Variants in GRID2 observed in about 807,000 individuals in gnomAD.
GRID2 encodes glutamate ionotropic receptor delta type subunit 2.
In GRID2, 33 loss-of-function variants were observed where a neutral mutation model predicts 114.8. That is an observed-to-expected ratio of 0.29 (90% CI 0.22 to 0.38). The LOEUF (loss-of-function observed/expected upper bound fraction) is 0.38. Among genes scored for constraint, GRID2 ranks in the 10% least tolerant of loss-of-function variants. The pLI is 1.00. For missense variants in GRID2, 1,184 were observed against 1,257.7 expected (o/e 0.94, Z 0.89); for synonymous variants, 505 against 449.9 (o/e 1.12, Z -1.55).
intron 4 of GRID2, among the ~76,000 whole-genome samples, chr4:93,186,704 T>C (rs1167549392): frequency 6.6e-6 from 1 of 152,170 alleles, no homozygotes; most frequent in African/African-American, 2.4e-5. Flanking sequence ...ATTGATATAC[T>C]AAGTTGCAAG....
intron 1 of GRID2, among the ~76,000 whole-genome samples, chr4:92,317,369 A>T (rs985185902): frequency 8.5e-5 from 13 of 152,238 alleles, no homozygotes; most frequent in Admixed American, 3.9e-4. Flanking sequence ...ATATTTATAT[A>T]GACTTTTAAT....
chr4:92,797,571 A>G (rs1194907129), intron 2 of GRID2, among the ~76,000 whole-genome samples: 1 of 152,018 alleles, frequency 6.6e-6, no homozygotes, highest in Non-Finnish European at 1.5e-5. Context: ...ATAGATTTGC[A>G]TACACTTTTA....
intron 2 of GRID2, among the ~76,000 whole-genome samples, chr4:93,029,616 C>A (rs1487618075): frequency 2.0e-5 from 3 of 151,814 alleles, no homozygotes; most frequent in East Asian, 3.9e-4. Flanking sequence ...TTAAAAGTTA[C>A]AATATTTACA....
intron 8 of GRID2, among the ~76,000 whole-genome samples, chr4:93,336,539 G>C (rs1428363201): frequency 6.6e-6 from 1 of 152,076 alleles, no homozygotes; most frequent in Non-Finnish European, 1.5e-5. Flanking sequence ...TATATGTGTG[G>C]GATATTCTCT....
At chr4:93,243,190 C>T (rs1747748323) in intron 8 of GRID2, among the ~76,000 whole-genome samples, 1 of 151,908 alleles carries the variant, frequency 6.6e-6, no homozygotes, top group African/African-American at 2.4e-5. Flanking sequence ...TTCTACTAAG[C>T]TGCAATTTAA....
chr4:93,623,864 T>G (rs1249149039), intron 13 of GRID2, among the ~76,000 whole-genome samples: 1 of 152,160 alleles, frequency 6.6e-6, no homozygotes, highest in African/African-American at 2.4e-5. Context: ...TTCTCCTAAT[T>G]AAATTTGCAA....
chr4:93,601,140 T>C (rs1739637194), intron 13 of GRID2, among the ~76,000 whole-genome samples: 1 of 152,238 alleles, frequency 6.6e-6, no homozygotes, highest in Non-Finnish European at 1.5e-5. Flanking sequence ...TCTGTGCTTT[T>C]CATGATAAGT....
chr4:92,693,718 C>A (rs758679570), intron 2 of GRID2, among the ~76,000 whole-genome samples: 1 of 152,068 alleles, frequency 6.6e-6, no homozygotes, highest in South Asian at 2.1e-4. Flanking sequence ...AACAGACTCA[C>A]AAGAAGAGAG....
At chr4:93,648,600 T>C (rs552941719) in intron 14 of GRID2, among the ~76,000 whole-genome samples, 1 of 152,164 alleles carries the variant, frequency 6.6e-6, no homozygotes, top group African/African-American at 2.4e-5. Flanking sequence ...ACAATGGTTC[T>C]CCATTTTTAG....
At chr4:93,183,089 A>G (rs1740050955) in intron 4 of GRID2, among the ~76,000 whole-genome samples, 1 of 152,232 alleles carries the variant, frequency 6.6e-6, no homozygotes, top group Non-Finnish European at 1.5e-5. Flanking sequence ...AGTAAAATAA[A>G]GTAAATCAGG....
chr4:93,037,792 G>C (rs1459528349), intron 2 of GRID2, among the ~76,000 whole-genome samples: 1 of 152,004 alleles, frequency 6.6e-6, no homozygotes, highest in Non-Finnish European at 1.5e-5. Flanking sequence ...CTGTTCTATT[G>C]GTCTATATCT....
intron 6 of GRID2, among the ~76,000 whole-genome samples, chr4:93,223,506 T>C (rs986537528): frequency 3.9e-5 from 6 of 152,160 alleles, no homozygotes; most frequent in African/African-American, 1.4e-4. Flanking sequence ...TCCTGTGATG[T>C]GGGTAGACTA....
chr4:93,348,008 T>G (rs2149256368), intron 8 of GRID2, among the ~76,000 whole-genome samples: 1 of 152,272 alleles, frequency 6.6e-6, no homozygotes, highest in African/African-American at 2.4e-5. Context: ...ATGATAAATC[T>G]GGGTCTTTAT....
intron 2 of GRID2, among the ~76,000 whole-genome samples, chr4:92,856,524 T>C (rs1744197667): frequency 6.6e-6 from 1 of 152,172 alleles, no homozygotes; most frequent in African/African-American, 2.4e-5. Flanking sequence ...TTCAACACTT[T>C]TTTTCCAGAA....
chr4:92,670,204 A>T (rs1732991042), intron 2 of GRID2, among the ~76,000 whole-genome samples: 1 of 152,074 alleles, frequency 6.6e-6, no homozygotes, highest in Non-Finnish European at 1.5e-5. Context: ...TTCTTTGTTA[A>T]TGGAATTTTC....
rs1005888315 is a variant in GRID2, at chr4:92,376,235, G to A, written c.88+71491G>A. 1.2e-4 allele frequency among the ~76,000 whole-genome samples: 19 copies of A among 152,088 alleles called. No individual in the cohort carries two copies. The East Asian group carries it at 1.6e-3, about 12-fold the overall frequency. On this transcript the variant is annotated intron_variant, in intron 1 of 15. Transcript: ENST00000282020. ...TGAGGCAGGAGAATGGCATGAACCC[G>A]GGAGGCAGAGGTTGCAGTGAGCCAA...
At chr4:93,626,560 CA>C in intron 14 of GRID2, 125 bp downstream of exon 14, 1 of 592,092 alleles carries the variant, frequency 1.7e-6, no homozygotes, top group Non-Finnish European at 3.0e-6. Flanking sequence ...TAAACAACAA[CA>C]ACAAAAAAGA....
At chr4:93,180,156 A>C (rs1392003314) in intron 4 of GRID2, among the ~76,000 whole-genome samples, 1 of 152,026 alleles carries the variant, frequency 6.6e-6, no homozygotes, top group Non-Finnish European at 1.5e-5. Context: ...CCCGTCAAAA[A>C]AGTTCAATAT....
At chr4:93,726,461 A>G (rs1045334117) in intron 14 of GRID2, among the ~76,000 whole-genome samples, 2 of 152,150 alleles carry the variant, frequency 1.3e-5, no homozygotes, top group African/African-American at 4.8e-5. Context: ...TTGACTTGGC[A>G]ATGCAGGCTC....
Sources: gnomAD v4.1 joint callset for allele counts (sites outside exome capture counted in the v4.1 genomes callset) on GRCh38, gnomAD v4.1.1 for gene constraint, MANE v1.5 for transcripts, NCBI Gene and HGNC (gene_info 2026-07-23, HGNC 2026-07-21) for gene names.